Variants in CABCOCO1 observed in about 807,000 individuals in gnomAD.
The protein encoded by CABCOCO1 is ciliary associated calcium binding coiled-coil 1, also known as ciliary-associated calcium-binding coiled-coil protein 1.
A neutral mutation model predicts 35.7 loss-of-function variants in CABCOCO1; 28 were observed. The observed-to-expected ratio is 0.78, with a 90% confidence interval of 0.58 to 1.07. The LOEUF is 1.07. Ranked by LOEUF, CABCOCO1 falls within the 50% of genes least tolerant of loss-of-function variation. The pLI is 0.00. For synonymous variants in CABCOCO1, 95 were observed against 100.1 expected, an observed-to-expected ratio of 0.95 and a Z score of 0.30; for missense variants, 326 against 309.2, an observed-to-expected ratio of 1.05 and a Z score of -0.41.
At chr10:61,680,644 A>C in intron 2 of CABCOCO1, among the ~76,000 whole-genome samples, 1 of 92,124 alleles carries the variant, frequency 1.1e-5, no homozygotes, top group Non-Finnish European at 2.1e-5. Flanking sequence ...ATACATATAT[A>C]ATATATATTA....
chr10:61,688,541 T>C (rs759479066), intron 4 of CABCOCO1, among the ~76,000 whole-genome samples: 1 of 152,198 alleles, frequency 6.6e-6, no homozygotes, highest in African/African-American at 2.4e-5. Context: ...TAAATACTTC[T>C]GCAGCTTTTT....
chr10:61,668,774 T>C (rs1370581787), intron 1 of CABCOCO1, among the ~76,000 whole-genome samples: 1 of 151,716 alleles, frequency 6.6e-6, no homozygotes, highest in Non-Finnish European at 1.5e-5. Flanking sequence ...TATGGTAAGG[T>C]GAACGAGGCA....
intron 3 of CABCOCO1, among the ~76,000 whole-genome samples, chr10:61,681,757 G>A (rs1470869988): frequency 6.6e-6 from 1 of 152,048 alleles, no homozygotes; most frequent in Non-Finnish European, 1.5e-5. Context: ...TAGTTATCAA[G>A]TAAAGCAAGG....
At chr10:61,665,384 G>A (rs555813121) in intron 1 of CABCOCO1, among the ~76,000 whole-genome samples, 76 of 152,224 alleles carry the variant, frequency 5.0e-4, no homozygotes, top group Non-Finnish European at 9.1e-4. Context: ...AATATTGGAG[G>A]AAATGCCTCC....
intron 5 of CABCOCO1, among the ~76,000 whole-genome samples, chr10:61,718,806 A>G (rs1840928735): frequency 6.6e-6 from 1 of 152,170 alleles, no homozygotes. Context: ...ACCACATCTA[A>G]CAGCTTGTCA....
At chr10:61,682,588 C>T (rs549792016) in intron 3 of CABCOCO1, among the ~76,000 whole-genome samples, 1 of 152,096 alleles carries the variant, frequency 6.6e-6, no homozygotes, top group Non-Finnish European at 1.5e-5. Context: ...TCTTATGATG[C>T]TAAATTGGTT....
intron 7 of CABCOCO1, among the ~76,000 whole-genome samples, chr10:61,762,756 T>C (rs745798780): frequency 2.6e-5 from 4 of 152,106 alleles, no homozygotes; most frequent in Non-Finnish European, 4.4e-5. Flanking sequence ...GAATGGGAGC[T>C]GTGACCTGGG....
At chr10:61,765,187 C>T (rs1430902891) in intron 7 of CABCOCO1, among the ~76,000 whole-genome samples, 2 of 152,086 alleles carry the variant, frequency 1.3e-5, no homozygotes, top group East Asian at 3.9e-4. Flanking sequence ...GCCACGTCAA[C>T]CACCACTGCT....
chr10:61,721,470 T>G (rs563919740), intron 5 of CABCOCO1, among the ~76,000 whole-genome samples: 11 of 152,194 alleles, frequency 7.2e-5, no homozygotes, highest in Admixed American at 3.9e-4. Flanking sequence ...GGGAGTAATT[T>G]TATAGCAGCA....
intron 1 of CABCOCO1, among the ~76,000 whole-genome samples, chr10:61,670,099 T>C (rs1277798115): frequency 6.6e-6 from 1 of 152,082 alleles, no homozygotes; most frequent in African/African-American, 2.4e-5. Context: ...GCAACCTATG[T>C]TGACATATCA....
chr10:61,681,140 C>T lies in CABCOCO1; in HGVS notation c.165-3C>T. On this transcript the variant is annotated splice_polypyrimidine_tract_variant and splice_region_variant and intron_variant, in intron 2 of 7. Transcript: ENST00000648843. ...ATATGTGGATTTTTGTTTTATTTTA[C>T]AGAAAACTGAGAATATTTTTGAATT... The T allele has an allele frequency of 1.4e-6, 2 of 1,421,174 alleles. No individual in the cohort carries two copies. The highest frequency in any genetic ancestry group is 2.8e-5 in the South Asian group (2 of 71,838). 88.0% of individuals were successfully genotyped at this position (1,421,174 alleles called of 1,614,324 possible). A position where few individuals can be genotyped will look rare whatever the true frequency, so the allele number is the denominator to read the frequency against.
At chr10:61,710,769 AG>A (rs1376995151) in intron 5 of CABCOCO1, among the ~76,000 whole-genome samples, 1 of 151,828 alleles carries the variant, frequency 6.6e-6, no homozygotes, top group African/African-American at 2.4e-5. Flanking sequence ...CTCTTCCTCT[AG>A]GGGAATCAAA....
At chr10:61,719,998 A>T (rs1332695809) in intron 5 of CABCOCO1, among the ~76,000 whole-genome samples, 3 of 151,968 alleles carry the variant, frequency 2.0e-5, no homozygotes, top group Non-Finnish European at 4.4e-5. Context: ...AGAAACAAGG[A>T]TTGCCAGAGA....
At position 61,737,357 on chromosome 10, in the gene CABCOCO1, G is replaced by A. The variant is rs147798417; in HGVS notation, c.553-22702G>A. ...ACCCCTCTACACTGTTGGTGGGAGT[G>A]TAAATTAGTTCAATCATTGTGGAAA... is the stretch of plus-strand genomic sequence containing the variant. On this transcript the variant is annotated intron_variant, in intron 5 of 7. Coordinates refer to ENST00000648843, the MANE Select transcript of CABCOCO1 (RefSeq NM_001366906.2). 2.4e-3 allele frequency among the ~76,000 whole-genome samples: 361 copies of A among 152,262 alleles called. 2 individuals carry two copies. The highest frequency in any genetic ancestry group is 8.4e-3 in the African/African-American group (350 of 41,548).
intron 5 of CABCOCO1, among the ~76,000 whole-genome samples, chr10:61,730,760 G>A (rs575408766): frequency 1.3e-5 from 2 of 152,062 alleles, no homozygotes; most frequent in South Asian, 4.1e-4. Flanking sequence ...AAGTAATAGT[G>A]CAAATTATTA....
At chr10:61,737,686 T>C (rs528609398) in intron 5 of CABCOCO1, among the ~76,000 whole-genome samples, 14 of 152,274 alleles carry the variant, frequency 9.2e-5, no homozygotes, top group African/African-American at 2.6e-4. Context: ...CTATCATCTT[T>C]AGCAAACTAA....
chr10:61,709,045 T>C (rs1840662987), intron 5 of CABCOCO1, among the ~76,000 whole-genome samples: 1 of 152,140 alleles, frequency 6.6e-6, no homozygotes. Context: ...ATGCCTTTTA[T>C]GGTTAAAATG....
At chr10:61,765,247 C>T (rs1229001474) in intron 7 of CABCOCO1, among the ~76,000 whole-genome samples, 1 of 152,068 alleles carries the variant, frequency 6.6e-6, no homozygotes, top group Non-Finnish European at 1.5e-5. Context: ...AAGACATTTC[C>T]AGGGCTACTA....
intron 1 of CABCOCO1, among the ~76,000 whole-genome samples, chr10:61,671,378 A>G (rs1038885521): frequency 2.0e-5 from 3 of 152,076 alleles, no homozygotes; most frequent in Non-Finnish European, 4.4e-5. Context: ...CTCTGAGCAA[A>G]AGCACTTGGC....
Sources: allele counts gnomAD v4.1 joint callset (sites outside exome capture counted in the v4.1 genomes callset), GRCh38; gene constraint gnomAD v4.1.1; transcripts MANE v1.5; gene names NCBI Gene and HGNC (gene_info 2026-07-23, HGNC 2026-07-21).